The following GFOD2 variants were observed in gnomAD, a reference collection of about 807,000 sequenced individuals.
GFOD2 encodes the protein Gfo/Idh/MocA-like oxidoreductase domain containing 2.
GFOD2 carries 9 observed loss-of-function variants against 24.6 expected under a neutral mutation model. The observed-to-expected ratio is 0.37, with a 90% CI of 0.22 to 0.64. The LOEUF (loss-of-function observed/expected upper bound fraction) is 0.64. Among genes scored for constraint, GFOD2 ranks in the 30% least tolerant of loss-of-function variants. The pLI, the probability that GFOD2 is intolerant of heterozygous loss-of-function variation, is 0.65. For missense variants in GFOD2, 476 were observed against 532.5 expected, an observed-to-expected ratio of 0.89 and a Z score of 1.04; for synonymous variants, 211 against 224.8, an observed-to-expected ratio of 0.94 and a Z score of 0.55.
intron 1 of GFOD2, among the ~76,000 whole-genome samples, chr16:67,700,872 G>GAA (rs752539263): frequency 1.7e-5 from 2 of 118,094 alleles, no homozygotes; most frequent in Non-Finnish European, 3.6e-5. Flanking sequence ...GTTCCTACTA[G>GAA]AAAAAAAAAA....
chr16:67,697,498 C>T (rs2053367229), intron 1 of GFOD2, among the ~76,000 whole-genome samples: 1 of 152,146 alleles, frequency 6.6e-6, no homozygotes, highest in Non-Finnish European at 1.5e-5. Context: ...TTGTTCCATG[C>T]AACCCTGTTG....
rs375564594 is a variant in GFOD2, at chr16:67,696,031, A to G, written c.-87-10229T>C. On this transcript the variant is annotated intron_variant, in intron 1 of 2. Transcript: ENST00000268797. The stretch of plus-strand genomic sequence containing the variant: ...AGGGAACCCTTTTTTTTTTTTTGAG[A>G]TCGAGTTTCGCTCTTTTTGCCCAGG... 1.3e-4 allele frequency among the ~76,000 whole-genome samples: 20 copies of G among 148,310 alleles called. 1 individual carries two copies. The South Asian group carries it at 4.2e-3, about 32-fold the overall frequency.
At chr16:67,701,849 TA>T (rs1317338360) in intron 1 of GFOD2, among the ~76,000 whole-genome samples, 1 of 151,694 alleles carries the variant, frequency 6.6e-6, no homozygotes, top group Non-Finnish European at 1.5e-5. Flanking sequence ...GCAGTGTCCT[TA>T]AGAGAAACAT....
In GFOD2 at chr16:67,675,064, C is replaced by G. The variant is rs1030140969; in HGVS notation, c.*91G>C. 5.0e-6 allele frequency: 7 copies of G among 1,388,810 alleles called. No homozygotes were observed. Among genetic ancestry groups the G allele is most frequent in the Non-Finnish European group, 5.9e-6 (6 of 1,020,310 alleles). 86.0% of individuals were successfully genotyped at this position (1,388,810 alleles called of 1,614,324 possible). A position where few individuals can be genotyped will look rare whatever the true frequency, so the allele number is the denominator to read the frequency against. The stretch of plus-strand genomic sequence containing the variant: ...ACCCAGACTCATTAAATGAAAGACA[C>G]TGTCTCTGCTAGGGCCAAGTCCCTG... On this transcript the variant is annotated 3_prime_UTR_variant, in exon 3 of 3. Transcript: ENST00000268797.
intron 2 of GFOD2, chr16:67,677,397 GA>G (rs1284832960): frequency 6.6e-6 from 1 of 152,212 alleles, no homozygotes; most frequent in African/African-American, 2.4e-5. Flanking sequence ...TTTTAGTGGA[GA>G]CAGGGTTTCA....
At chr16:67,684,459 G>A (rs1285207472) in intron 2 of GFOD2, 2 of 152,002 alleles carry the variant, frequency 1.3e-5, no homozygotes, top group Admixed American at 6.6e-5. Context: ...ACTTTGGGAG[G>A]CCGAGGCGGA....
rs373302014 is a variant in GFOD2, at chr16:67,702,753, T to A, written c.-88+16410A>T. Among the ~76,000 whole-genome samples the A allele has an allele frequency of 2.6e-5, 4 of 151,954 alleles. No homozygotes were observed. In the East Asian group the frequency reaches 7.9e-4, roughly 30 times the overall value. The stretch of plus-strand genomic sequence containing the variant: ...TAGCTGGGATCATAGGCATGTGCCG[T>A]GCCTGGCTAATTTTTGTATTTTTTA... On this transcript the variant is annotated intron_variant, in intron 1 of 2. Coordinates refer to ENST00000268797, the MANE Select transcript of GFOD2 (RefSeq NM_030819.4).
At chr16:67,696,015 T>C (rs1344983254) in intron 1 of GFOD2, among the ~76,000 whole-genome samples, 2 of 143,116 alleles carry the variant, frequency 1.4e-5, no homozygotes, top group African/African-American at 2.5e-5. Context: ...TAGGGAACCC[T>C]TTTTTTTTTT....
intron 1 of GFOD2, among the ~76,000 whole-genome samples, chr16:67,695,557 C>T (rs1311482270): frequency 1.5e-5 from 2 of 135,448 alleles, no homozygotes; most frequent in Admixed American, 1.6e-4. Flanking sequence ...TTTTTTGAGA[C>T]GGAGTCTCAT....
chr16:67,685,856 C>T, intron 1 of GFOD2, 54 bp from the exon 2 acceptor site: 1 of 1,072,082 alleles, frequency 9.3e-7, no homozygotes, highest in Non-Finnish European at 1.3e-6. Context: ...TCAGCTGAGG[C>T]TACTTTCTTT....
At chr16:67,718,965 T>C (rs940790032) in intron 1 of GFOD2, among the ~76,000 whole-genome samples, 198 bp downstream of exon 1, 3 of 152,092 alleles carry the variant, frequency 2.0e-5, no homozygotes, top group African/African-American at 7.2e-5. Flanking sequence ...ATTTCTGCGG[T>C]GGAAAGGGCG....
Position 67,675,200 on chromosome 16 carries a change from G to A in GFOD2, c.1113C>T (p.Asp371=). Residue 371 remains aspartate (D), a synonymous_variant, in exon 3 of 3, where the codon GAC becomes GAT. Transcript: ENST00000268797. ...EAVEVLTEEP[D]TNQNLCEALQ... ...GTGCCTCACACAGGTTCTGGTTGGT[G>A]TCGGGCTCCTCCGTCAGCACCTCCA... 1 of 1,613,920 alleles carries A rather than the reference G, an allele frequency of 6.2e-7. No homozygotes were observed. The highest frequency in any genetic ancestry group is 1.1e-5 in the South Asian group (1 of 91,062).
chr16:67,675,517 C>T lies in GFOD2; in HGVS notation c.796G>A (p.Asp266Asn), dbSNP rs1007416455. 9.9e-6 allele frequency: 16 copies of T among 1,612,428 alleles called. No individual in the cohort carries two copies. Among genetic ancestry groups the T allele is most frequent in the Non-Finnish European group, 1.2e-5 (14 of 1,179,988 alleles). ...SAGRLVARGA[D>N]LYGQKNSATQ... ...GCAGAGTTCTTCTGCCCATAGAGGT[C>T]GGCTCCCCGGGCGACGAGGCGTCCT... The change falls in exon 3 of 3, where the codon GAC (aspartate) becomes AAC (asparagine). Residue 266 changes from aspartate to asparagine, a missense_variant. Physicochemically the swap from Asp to Asn is conservative, Grantham distance 23 (BLOSUM62 1). Transcript: ENST00000268797.
At chr16:67,703,143 C>T (rs1372605967) in intron 1 of GFOD2, among the ~76,000 whole-genome samples, 1 of 152,168 alleles carries the variant, frequency 6.6e-6, no homozygotes, top group Non-Finnish European at 1.5e-5. Flanking sequence ...GTGGCTCATG[C>T]CTGTAATCCT....
intron 1 of GFOD2, among the ~76,000 whole-genome samples, chr16:67,700,720 AAAACAAAC>A (rs554896791): frequency 6.6e-6 from 1 of 151,370 alleles, no homozygotes; most frequent in African/African-American, 2.4e-5. Flanking sequence ...TCAAAAAAAC[AAAACAAAC>A]AAACAAACAA....
chr16:67,686,367 G>A (rs746128443), intron 1 of GFOD2, among the ~76,000 whole-genome samples: 1 of 152,108 alleles, frequency 6.6e-6, no homozygotes, highest in Non-Finnish European at 1.5e-5. Context: ...GAGGAAAAAC[G>A]GAAAATGAAT....
chr16:67,684,024 T>C (rs947943314), intron 2 of GFOD2: 1 of 398,778 alleles, frequency 2.5e-6, no homozygotes, highest in Non-Finnish European at 3.4e-6. Context: ...TAACACAGCT[T>C]TGAATGTCCA....
chr16:67,711,631 A>G (rs1343452975), intron 1 of GFOD2, among the ~76,000 whole-genome samples: 1 of 152,202 alleles, frequency 6.6e-6, no homozygotes, highest in African/African-American at 2.4e-5. Context: ...TGGATGTTTA[A>G]TAGGCATCTC....
At chr16:67,718,926 A>G (rs930505260) in intron 1 of GFOD2, among the ~76,000 whole-genome samples, 8 of 152,176 alleles carry the variant, frequency 5.3e-5, no homozygotes, top group Non-Finnish European at 1.0e-4. Context: ...CCCAAATCCT[A>G]TAATTCTACC....
Sources: gnomAD v4.1 joint callset for allele counts (sites outside exome capture counted in the v4.1 genomes callset) on GRCh38, gnomAD v4.1.1 for gene constraint, MANE v1.5 for transcripts, NCBI Gene and HGNC (gene_info 2026-07-23, HGNC 2026-07-21) for gene names.